HS6ST3: variants seen among roughly 807,000 people sequenced by gnomAD.
HS6ST3 encodes heparan-sulfate 6-O-sulfotransferase 3.
In HS6ST3, 12 loss-of-function variants were observed where a neutral mutation model predicts 36.7. That is an observed-to-expected ratio of 0.33 (90% CI 0.21 to 0.53). HS6ST3 has a LOEUF of 0.53. Ranked by LOEUF, HS6ST3 falls within the 20% of genes least tolerant of loss-of-function variation. HS6ST3 has a pLI of 0.95. For synonymous variants in HS6ST3, 240 were observed against 257.5 expected, an observed-to-expected ratio of 0.93 and a Z score of 0.65; for missense variants, 584 against 640.9, an observed-to-expected ratio of 0.91 and a Z score of 0.96.
intron 1 of HS6ST3, among the ~76,000 whole-genome samples, chr13:96,653,040 G>A (rs1393695546): frequency 6.6e-6 from 1 of 151,924 alleles, no homozygotes; most frequent in Non-Finnish European, 1.5e-5. Flanking sequence ...TTTGTTTAAT[G>A]TCACTGCTGT....
Position 96,809,690 on chromosome 13 carries a change from A to G in HS6ST3, c.708-22800A>G, listed in dbSNP as rs543132621. ...GGGCAGGCAGAGGTGTGTTTTATTT[A>G]TCTTGGTACCCCAGGCGCTTAATTC... On this transcript the variant is annotated intron_variant, in intron 1 of 1. Transcript: ENST00000376705. 1.6e-4 allele frequency among the ~76,000 whole-genome samples: 25 copies of G among 152,288 alleles called. No homozygotes were observed. The South Asian group carries it at 5.0e-3, about 30-fold the overall frequency.
intron 1 of HS6ST3, among the ~76,000 whole-genome samples, chr13:96,181,598 G>T (rs750528590): frequency 3.9e-5 from 6 of 152,110 alleles, no homozygotes; most frequent in Non-Finnish European, 5.9e-5. Context: ...GCTCTTGCTG[G>T]GGTCTCTGTC....
chr13:96,826,965 A>G (rs1429089192), intron 1 of HS6ST3, among the ~76,000 whole-genome samples: 1 of 152,196 alleles, frequency 6.6e-6, no homozygotes, highest in East Asian at 1.9e-4. Flanking sequence ...TGCTTTACAG[A>G]CATTCTTAAA....
At chr13:96,158,460 C>T (rs1181429180) in intron 1 of HS6ST3, among the ~76,000 whole-genome samples, 3 of 151,650 alleles carry the variant, frequency 2.0e-5, no homozygotes, top group Non-Finnish European at 2.9e-5. Context: ...GAGAGACCCT[C>T]GCCAACATGG....
At chr13:96,362,954 C>A (rs1225714589) in intron 1 of HS6ST3, among the ~76,000 whole-genome samples, 1 of 152,078 alleles carries the variant, frequency 6.6e-6, no homozygotes, top group Non-Finnish European at 1.5e-5. Flanking sequence ...ATAAGACATT[C>A]TTGAAATTAC....
At chr13:96,464,019 GTTTTTTT>G (rs66703746) in intron 1 of HS6ST3, among the ~76,000 whole-genome samples, 2,570 of 127,342 alleles carry the variant, frequency 0.02, 68 homozygotes, top group East Asian at 0.14. Context: ...CCATAGACAG[GTTTTTTT>G]TTTTTTTTTT....
intron 1 of HS6ST3, among the ~76,000 whole-genome samples, chr13:96,810,161 G>A (rs1248188072): frequency 1.3e-5 from 2 of 152,186 alleles, no homozygotes; most frequent in Admixed American, 1.3e-4. Context: ...AGCCTCCCGG[G>A]CAGCCTGACA....
chr13:96,759,291 A>G (rs922632577), intron 1 of HS6ST3, among the ~76,000 whole-genome samples: 1 of 151,828 alleles, frequency 6.6e-6, no homozygotes, highest in African/African-American at 2.4e-5. Flanking sequence ...TTTATTTTTA[A>G]CATAATTATT....
At chr13:96,748,278 G>T (rs2138490095) in intron 1 of HS6ST3, among the ~76,000 whole-genome samples, 1 of 152,120 alleles carries the variant, frequency 6.6e-6, no homozygotes, top group South Asian at 2.1e-4. Context: ...ACCAATCACT[G>T]GTTGGAGAAA....
chr13:96,515,417 A>G (rs1425353206), intron 1 of HS6ST3, among the ~76,000 whole-genome samples: 1 of 152,200 alleles, frequency 6.6e-6, no homozygotes, highest in Admixed American at 6.5e-5. Context: ...TTCACATTTT[A>G]GTAGAGTTGC....
chr13:96,434,724 G>A (rs999566858), intron 1 of HS6ST3, among the ~76,000 whole-genome samples: 2 of 151,994 alleles, frequency 1.3e-5, no homozygotes, highest in African/African-American at 4.8e-5. Flanking sequence ...ATACCTAGAT[G>A]AGATTATCTT....
At chr13:96,756,869 C>T (rs771314942) in intron 1 of HS6ST3, among the ~76,000 whole-genome samples, 1 of 152,158 alleles carries the variant, frequency 6.6e-6, no homozygotes, top group South Asian at 2.1e-4. Flanking sequence ...ACATTGTATT[C>T]GTTTTCTATG....
At chr13:96,327,927 A>T in intron 1 of HS6ST3, among the ~76,000 whole-genome samples, 1 of 138,648 alleles carries the variant, frequency 7.2e-6, no homozygotes, top group East Asian at 2.2e-4. Flanking sequence ...TAGGTATTTT[A>T]TTCTCTTTGA....
chr13:96,725,547 A>G (rs35253485), intron 1 of HS6ST3, among the ~76,000 whole-genome samples: 50,115 of 151,968 alleles, frequency 0.33, 10,776 homozygotes, highest in African/African-American at 0.61. Flanking sequence ...TTTTTGTGTA[A>G]GTACAAAATG....
In HS6ST3 at chr13:96,640,262, G is replaced by T. The variant is rs532166026; in HGVS notation, c.708-192228G>T. ...TTGATTTTTTAATGATAGCCATTCT[G>T]ATTGGTGTGAGATAGTATCTTCTTG... On this transcript the variant is annotated intron_variant, in intron 1 of 1. Coordinates refer to ENST00000376705, the MANE Select transcript of HS6ST3 (RefSeq NM_153456.4). Among the ~76,000 whole-genome samples the T allele has an allele frequency of 2.6e-5, 4 of 151,932 alleles. No individual in the cohort carries two copies. The East Asian group carries it at 7.7e-4, about 29-fold the overall frequency.
chr13:96,694,100 A>G (rs1376910015), intron 1 of HS6ST3, among the ~76,000 whole-genome samples: 1 of 152,046 alleles, frequency 6.6e-6, no homozygotes, highest in Non-Finnish European at 1.5e-5. Context: ...TTTTCTGCCC[A>G]GATTATTTAG....
intron 1 of HS6ST3, among the ~76,000 whole-genome samples, chr13:96,809,330 A>AC (rs1878266713): frequency 6.6e-6 from 1 of 152,224 alleles, no homozygotes; most frequent in Non-Finnish European, 1.5e-5. Context: ...ATTTAGAAAG[A>AC]CAAGTTTGGT....
intron 1 of HS6ST3, among the ~76,000 whole-genome samples, chr13:96,461,038 A>G (rs1013409547): frequency 3.3e-5 from 5 of 152,258 alleles, no homozygotes; most frequent in Non-Finnish European, 7.3e-5. Flanking sequence ...ACCCAATTAA[A>G]TGACAGTAAA....
At chr13:96,482,256 C>A (rs1253232444) in intron 1 of HS6ST3, among the ~76,000 whole-genome samples, 3 of 152,136 alleles carry the variant, frequency 2.0e-5, no homozygotes, top group East Asian at 3.9e-4. Context: ...TCTCCTGGGG[C>A]AAATGCATGC....
Sources: gnomAD v4.1 joint callset for allele counts (sites outside exome capture counted in the v4.1 genomes callset) on GRCh38, gnomAD v4.1.1 for gene constraint, MANE v1.5 for transcripts, NCBI Gene and HGNC (gene_info 2026-07-23, HGNC 2026-07-21) for gene names.